MARCHF7: variants seen among roughly 807,000 people sequenced by gnomAD.
MARCHF7 encodes the protein membrane associated ring-CH-type finger 7.
Under a neutral mutation model 76.5 loss-of-function variants are expected in MARCHF7, and 20 were observed. The ratio of observed to expected loss-of-function variants is 0.26; its 90% CI spans 0.18 to 0.38. The LOEUF (loss-of-function observed/expected upper bound fraction) is 0.38. Among genes scored for constraint, MARCHF7 ranks in the 10% least tolerant of loss-of-function variants. The pLI, the probability that MARCHF7 is intolerant of heterozygous loss-of-function variation, is 1.00. For synonymous variants in MARCHF7, 295 were observed against 293.0 expected, an observed-to-expected ratio of 1.01 and a Z score of -0.07; for missense variants, 797 against 812.9, an observed-to-expected ratio of 0.98 and a Z score of 0.24.
intron 6 of MARCHF7, 125 bp downstream of exon 6, chr2:159,746,062 C>CT: frequency 1.5e-6 from 1 of 682,184 alleles, no homozygotes; most frequent in South Asian, 2.6e-5. Context: ...TTCAGAATAC[C>CT]TTAATATTTT....
chr2:159,738,862 T>C (rs1221640324), intron 4 of MARCHF7, among the ~76,000 whole-genome samples: 3 of 152,196 alleles, frequency 2.0e-5, no homozygotes, highest in African/African-American at 7.2e-5. Context: ...CAGGAGCATG[T>C]CTGCCTCCTG....
intron 7 of MARCHF7, among the ~76,000 whole-genome samples, chr2:159,749,730 G>T (rs1574377138): frequency 8.0e-6 from 1 of 125,302 alleles, no homozygotes; most frequent in Middle Eastern, 4.5e-3. Flanking sequence ...GTAGGCAATG[G>T]TTGGGGCGGG....
At chr2:159,765,817 A>G (rs1206867690) in intron 11 of MARCHF7, among the ~76,000 whole-genome samples, 6 of 152,198 alleles carry the variant, frequency 3.9e-5, no homozygotes, top group Middle Eastern at 3.2e-3. Context: ...GTGAAAAGAA[A>G]GGAGTCAGTG....
In MARCHF7 at chr2:159,748,594, A is replaced by T. The variant is rs1705186816; in HGVS notation, c.1304A>T (p.Glu435Val). Residue 435 changes from glutamate (E) to valine (V), a missense_variant, in exon 7 of 12, where the codon GAA becomes GTA. Coordinates refer to ENST00000409175, the MANE Select transcript of MARCHF7 (RefSeq NM_001282805.2). ...GAATCAAATGAAGTGGTTCACCTTG[A>T]AGCACAGAATGATCCTCTTGGAGCT... is the stretch of plus-strand genomic sequence containing the variant. ...RRESNEVVHL[E>V]AQNDPLGAAA... The T allele has an allele frequency of 2.5e-6, 4 of 1,614,232 alleles. No individual in the cohort carries two copies. Among genetic ancestry groups the T allele is most frequent in the Non-Finnish European group, 3.4e-6 (4 of 1,180,028 alleles).
At chr2:159,741,369 A>T (rs2125532166) in intron 4 of MARCHF7, among the ~76,000 whole-genome samples, 1 of 152,254 alleles carries the variant, frequency 6.6e-6, no homozygotes, top group African/African-American at 2.4e-5. Context: ...ACAACAAAAA[A>T]ATCTGATGGT....
At chr2:159,732,266 T>A (rs34893664) in intron 4 of MARCHF7, among the ~76,000 whole-genome samples, 52,450 of 152,008 alleles carry the variant, frequency 0.35, 9,252 homozygotes, top group South Asian at 0.44. Context: ...CAAAAATTAC[T>A]TGCAAACATC....
rs769996884 is a variant in MARCHF7 at position 159,743,103 on chromosome 2, T to C, written c.196T>C (p.Trp66Arg). Residue 66 changes from tryptophan (W) to arginine (R), a missense_variant, in exon 5 of 12, where the codon TGG becomes CGG. Physicochemically the swap from Trp to Arg is moderately radical, Grantham distance 101 (BLOSUM62 -3). Transcript: ENST00000409175. ...SASASPFQSA[W>R]YSESEITQGA... The stretch of plus-strand genomic sequence containing the variant: ...ATCTGCGTCACCATTTCAATCTGCA[T>C]GGTATAGTGAATCTGAGATAACTCA... 1.2e-6 allele frequency: 2 copies of C among 1,614,122 alleles called. No homozygotes were observed. The highest frequency in any genetic ancestry group is 3.3e-5 in the Admixed American group (2 of 60,002).
In MARCHF7 at chr2:159,748,347, C is replaced by T. The variant is rs1181317533; in HGVS notation, c.1057C>T (p.Arg353Ter). 6.2e-7 allele frequency: 1 copy of T among 1,613,560 alleles called. No individual in the cohort carries two copies. The highest frequency in any genetic ancestry group is 1.7e-5 in the Admixed American group (1 of 59,982). The change falls in exon 7 of 12, where the codon CGA becomes TGA. Residue 353 changes from arginine to a stop codon, truncating the protein, a stop_gained. Coordinates refer to ENST00000409175, the MANE Select transcript of MARCHF7 (RefSeq NM_001282805.2). LOFTEE classifies it high-confidence loss of function. Reference sequence around the variant, plus strand: ...TTCTCAGGGATTTCGATTTCTTAGGCGAAGATGGGGTTTGTCATCTCTTAG... The same window carrying T: ...TTCTCAGGGATTTCGATTTCTTAGGTGAAGATGGGGTTTGTCATCTCTTAG... ...EASQGFRFLR[R>*]RWGLSSLSHN...
At chr2:159,716,363 G>A (rs952698021) in intron 3 of MARCHF7, among the ~76,000 whole-genome samples, 1 of 151,886 alleles carries the variant, frequency 6.6e-6, no homozygotes, top group South Asian at 2.1e-4. Flanking sequence ...ATATTGCATT[G>A]GGGCTGGGCA....
chr2:159,753,278 G>A (rs1297250251), intron 8 of MARCHF7, among the ~76,000 whole-genome samples: 1 of 152,020 alleles, frequency 6.6e-6, no homozygotes, highest in Non-Finnish European at 1.5e-5. Flanking sequence ...GGGAGATAAA[G>A]TTGTGATGAG....
chr2:159,763,802 A>G (rs1054768103), intron 10 of MARCHF7, among the ~76,000 whole-genome samples: 1 of 152,152 alleles, frequency 6.6e-6, no homozygotes, highest in Admixed American at 6.5e-5. Context: ...CTCCTTCTAA[A>G]TTAGTAAAAA....
At chr2:159,764,819 T>C (rs1042574079) in intron 11 of MARCHF7, 145 bp downstream of exon 11, 2 of 469,170 alleles carry the variant, frequency 4.3e-6, no homozygotes, top group South Asian at 7.6e-5. Context: ...TTGGGAAATA[T>C]GGGTTGGGAA....
chr2:159,733,222 G>A, intron 4 of MARCHF7: 2 of 871,388 alleles, frequency 2.3e-6, no homozygotes. Context: ...AGATTACTCA[G>A]TGTCAAAGGG....
chr2:159,762,775 A>G (rs540447588), intron 9 of MARCHF7, 105 bp from the exon 10 acceptor site: 3 of 512,296 alleles, frequency 5.9e-6, no homozygotes, highest in East Asian at 6.4e-5. Flanking sequence ...CTGGATATGA[A>G]TACATTTCCT....
chr2:159,740,054 T>C, intron 4 of MARCHF7, among the ~76,000 whole-genome samples: 1 of 152,228 alleles, frequency 6.6e-6, no homozygotes, highest in South Asian at 2.1e-4. Flanking sequence ...AAAAAACTTT[T>C]TTCTCTATTT....
chr2:159,763,618 C>CT (rs1481621303), intron 10 of MARCHF7, among the ~76,000 whole-genome samples: 1 of 152,132 alleles, frequency 6.6e-6, no homozygotes, highest in Non-Finnish European at 1.5e-5. Context: ...GCTAGGGTCT[C>CT]TATGTATCTG....
At chr2:159,735,209 C>G (rs1425923104) in intron 4 of MARCHF7, among the ~76,000 whole-genome samples, 3 of 152,110 alleles carry the variant, frequency 2.0e-5, no homozygotes, top group Non-Finnish European at 4.4e-5. Flanking sequence ...ACTTCACAGT[C>G]AAGTCATTAA....
intron 3 of MARCHF7, among the ~76,000 whole-genome samples, chr2:159,723,329 C>T (rs1701830687): frequency 6.6e-6 from 1 of 152,166 alleles, no homozygotes; most frequent in Non-Finnish European, 1.5e-5. Flanking sequence ...GCTTTATCAT[C>T]CAAATGAGGC....
intron 3 of MARCHF7, among the ~76,000 whole-genome samples, chr2:159,719,602 G>A (rs1701406653): frequency 1.3e-5 from 2 of 152,110 alleles, no homozygotes; most frequent in Admixed American, 1.3e-4. Flanking sequence ...AATTTAGTTT[G>A]AGGGGATTTT....
Sources: allele counts gnomAD v4.1 joint callset (sites outside exome capture counted in the v4.1 genomes callset), GRCh38; gene constraint gnomAD v4.1.1; transcripts MANE v1.5; gene names NCBI Gene and HGNC (gene_info 2026-07-23, HGNC 2026-07-21).